RBMS3: variants seen among roughly 807,000 people sequenced by gnomAD.
RBMS3 encodes the protein RNA-binding motif, single-stranded-interacting protein 3.
RBMS3 carries 27 observed loss-of-function variants against 66.8 expected under a neutral mutation model. That is an observed-to-expected ratio of 0.40 (90% CI 0.30 to 0.56). The LOEUF (loss-of-function observed/expected upper bound fraction) is 0.56, where lower values mean the gene tolerates loss of function less well. Ranked by LOEUF, RBMS3 falls within the 20% of genes least tolerant of loss-of-function variation. The pLI is 0.40. For synonymous variants in RBMS3, 188 were observed against 183.0 expected, an observed-to-expected ratio of 1.03 and a Z score of -0.22; for missense variants, 513 against 549.5, an observed-to-expected ratio of 0.93 and a Z score of 0.66.
chr3:29,724,975 G>A (rs2053796113), intron 4 of RBMS3, among the ~76,000 whole-genome samples: 1 of 152,094 alleles, frequency 6.6e-6, no homozygotes, highest in African/African-American at 2.4e-5. Context: ...TACACTAGAA[G>A]ATGAAAAAAC....
At chr3:29,398,835 G>A (rs1409719594) in intron 1 of RBMS3, among the ~76,000 whole-genome samples, 2 of 152,166 alleles carry the variant, frequency 1.3e-5, no homozygotes, top group African/African-American at 4.8e-5. Flanking sequence ...ACACACAAGA[G>A]GACACTTACA....
intron 6 of RBMS3, among the ~76,000 whole-genome samples, chr3:29,798,800 G>A (rs527549651): frequency 9.9e-5 from 15 of 152,134 alleles, no homozygotes; most frequent in African/African-American, 2.7e-4. Flanking sequence ...TGTATTGTCC[G>A]ATATTGTTGC....
At chr3:29,740,397 T>C (rs536178355) in intron 5 of RBMS3, among the ~76,000 whole-genome samples, 1 of 152,330 alleles carries the variant, frequency 6.6e-6, no homozygotes, top group South Asian at 2.1e-4. Flanking sequence ...AGAAGCCATT[T>C]GCATTTAAGA....
At chr3:29,469,478 G>C (rs1337511056) in intron 2 of RBMS3, among the ~76,000 whole-genome samples, 1 of 151,806 alleles carries the variant, frequency 6.6e-6, no homozygotes, top group African/African-American at 2.4e-5. Flanking sequence ...ATGGGAGATA[G>C]GATAAATAAG....
At chr3:29,369,487 A>AACACACACACACACACAC (rs59274434) in intron 1 of RBMS3, among the ~76,000 whole-genome samples, 29 of 135,266 alleles carry the variant, frequency 2.1e-4, no homozygotes, top group Non-Finnish European at 3.6e-4. Flanking sequence ...ATCACTCCTT[A>AACACACACACACACACAC]ACACACACAC....
intron 4 of RBMS3, among the ~76,000 whole-genome samples, chr3:29,732,146 T>C (rs1476412008): frequency 1.3e-5 from 2 of 152,064 alleles, no homozygotes; most frequent in Non-Finnish European, 2.9e-5. Context: ...AGTCCTAAGA[T>C]CTTCTGTTGG....
rs1190979058 is a variant in RBMS3 at position 30,009,212 on chromosome 3, T to A, written c.*5350T>A. ...GTGCATAAATACAATCACTCTCAATTTTTGAAGGGCTAATTATCTACTTTG... is the reference window on the plus strand; with the variant it reads ...GTGCATAAATACAATCACTCTCAATATTTGAAGGGCTAATTATCTACTTTG... On this transcript the variant is annotated 3_prime_UTR_variant, in exon 15 of 15. Transcript: ENST00000383767. The A allele has an allele frequency of 6.6e-6, 1 of 152,116 alleles. No individual in the cohort carries two copies. Among genetic ancestry groups the A allele is most frequent in the Non-Finnish European group, 1.5e-5 (1 of 67,982 alleles). 9.4% of individuals were successfully genotyped at this position (152,116 alleles called of 1,614,324 possible). A position where few individuals can be genotyped will look rare whatever the true frequency, so the allele number is the denominator to read the frequency against.
At chr3:29,430,616 A>G (rs1385008316) in intron 1 of RBMS3, among the ~76,000 whole-genome samples, 1 of 152,174 alleles carries the variant, frequency 6.6e-6, no homozygotes, top group Non-Finnish European at 1.5e-5. Flanking sequence ...AAATGCTTAC[A>G]AAGAGCCCTA....
intron 1 of RBMS3, among the ~76,000 whole-genome samples, chr3:29,291,130 T>G (rs941510115): frequency 2.0e-5 from 3 of 151,872 alleles, no homozygotes; most frequent in Admixed American, 1.3e-4. Context: ...TGACAATGTA[T>G]TATGTTTTTT....
intron 3 of RBMS3, among the ~76,000 whole-genome samples, chr3:29,559,547 A>C (rs1263876463): frequency 1.4e-5 from 2 of 143,808 alleles, no homozygotes; most frequent in African/African-American, 2.6e-5. Context: ...AAAAAAAAAA[A>C]AAAAAACCTG....
intron 14 of RBMS3, among the ~76,000 whole-genome samples, chr3:29,993,408 TGTGGGTA>T (rs1026180369): frequency 3.3e-5 from 5 of 152,308 alleles, no homozygotes; most frequent in African/African-American, 1.2e-4. Context: ...TGAGAAATAC[TGTGGGTA>T]ATGGGAAATT....
chr3:30,004,973 G>A lies in RBMS3; in HGVS notation c.*1111G>A, dbSNP rs1050530580. ...AAAAAAAGCAATAGATAGAGAAATT[G>A]TTGACAATTTCTGTAGTCTTTCCTA... On this transcript the variant is annotated 3_prime_UTR_variant, in exon 15 of 15. Coordinates refer to ENST00000383767, the MANE Select transcript of RBMS3 (RefSeq NM_001003793.3). The A allele has an allele frequency of 2.7e-5, 4 of 150,466 alleles. No homozygotes were observed. Among genetic ancestry groups the A allele is most frequent in the African/African-American group, 9.8e-5 (4 of 40,950 alleles). The allele number at this position is 150,466 out of a possible 1,614,324, so 9.3% of individuals were successfully genotyped here.
intron 1 of RBMS3, among the ~76,000 whole-genome samples, chr3:29,340,104 A>C (rs984212363): frequency 1.1e-4 from 17 of 152,204 alleles, no homozygotes; most frequent in Non-Finnish European, 2.5e-4. Context: ...AATGTCAAGC[A>C]CATATAGGAA....
intron 3 of RBMS3, among the ~76,000 whole-genome samples, chr3:29,493,573 T>C (rs2043629410): frequency 6.6e-6 from 1 of 152,206 alleles, no homozygotes; most frequent in Admixed American, 6.5e-5. Flanking sequence ...GGTGGGCTTA[T>C]GGGTGATATA....
At chr3:29,810,119 A>G (rs1336353285) in intron 6 of RBMS3, among the ~76,000 whole-genome samples, 5 of 152,060 alleles carry the variant, frequency 3.3e-5, no homozygotes, top group Admixed American at 3.3e-4. Flanking sequence ...CTTTGTTAAT[A>G]GAAGTAATTA....
At chr3:29,307,624 A>T (rs1455910796) in intron 1 of RBMS3, among the ~76,000 whole-genome samples, 1 of 151,880 alleles carries the variant, frequency 6.6e-6, no homozygotes, top group Non-Finnish European at 1.5e-5. Context: ...CAGATGAGAG[A>T]CGCTGTTTAG....
chr3:29,622,633 A>T (rs1157128386), intron 4 of RBMS3, among the ~76,000 whole-genome samples: 1 of 152,146 alleles, frequency 6.6e-6, no homozygotes. Context: ...CTAGGAGAGG[A>T]CCTGAATCTT....
intron 4 of RBMS3, among the ~76,000 whole-genome samples, chr3:29,606,101 A>G (rs2048313352): frequency 6.6e-6 from 1 of 151,692 alleles, no homozygotes; most frequent in African/African-American, 2.4e-5. Context: ...ATCATACTCC[A>G]GTACTGTGAG....
At chr3:29,726,564 A>G (rs566427991) in intron 4 of RBMS3, among the ~76,000 whole-genome samples, 1 of 152,286 alleles carries the variant, frequency 6.6e-6, no homozygotes, top group African/African-American at 2.4e-5. Context: ...ATACACCAAC[A>G]AGACAAGCAG....
Sources: allele counts gnomAD v4.1 joint callset (sites outside exome capture counted in the v4.1 genomes callset), GRCh38; gene constraint gnomAD v4.1.1; transcripts MANE v1.5; gene names NCBI Gene and HGNC (gene_info 2026-07-23, HGNC 2026-07-21).